MLLT1: variants seen among roughly 807,000 people sequenced by gnomAD.
MLLT1 encodes the protein MLLT1 super elongation complex subunit, also known as protein ENL.
Under a neutral mutation model 55.1 loss-of-function variants are expected in MLLT1, and 11 were observed. The observed-to-expected ratio is 0.20, with a 90% CI of 0.13 to 0.33. MLLT1 has a LOEUF of 0.33. Ranked by LOEUF, MLLT1 falls within the 10% of genes least tolerant of loss-of-function variation. The pLI, the probability that MLLT1 is intolerant of heterozygous loss-of-function variation, is 1.00. For missense variants in MLLT1, 536 were observed against 760.6 expected, an observed-to-expected ratio of 0.70 and a Z score of 3.47; for synonymous variants, 323 against 320.1, an observed-to-expected ratio of 1.01 and a Z score of -0.10.
At chr19:6,247,464 A>G (rs1460105856) in intron 3 of MLLT1, among the ~76,000 whole-genome samples, 1 of 152,246 alleles carries the variant, frequency 6.6e-6, no homozygotes, top group Non-Finnish European at 1.5e-5. Context: ...ACAAACAGGT[A>G]ACAACAGACT....
At chr19:6,242,280 C>A (rs571513845) in intron 3 of MLLT1, among the ~76,000 whole-genome samples, 1 of 152,286 alleles carries the variant, frequency 6.6e-6, no homozygotes, top group East Asian at 1.9e-4. Context: ...TGGAACCTCC[C>A]CTGTCATGTG....
intron 8 of MLLT1, among the ~76,000 whole-genome samples, chr19:6,215,931 G>C (rs2090838634): frequency 1.3e-5 from 2 of 151,872 alleles, no homozygotes. Flanking sequence ...CTGGGGAAAA[G>C]GCCACAGGCA....
chr19:6,278,890 T>C (rs909258404), intron 1 of MLLT1, among the ~76,000 whole-genome samples: 1 of 150,974 alleles, frequency 6.6e-6, no homozygotes, highest in Non-Finnish European at 1.5e-5. Flanking sequence ...GGCGGCAGGG[T>C]GGGTCAAAGA....
intron 2 of MLLT1, among the ~76,000 whole-genome samples, chr19:6,265,661 ACT>A (rs987507837): frequency 1.4e-5 from 2 of 145,210 alleles, no homozygotes; most frequent in African/African-American, 5.2e-5. Context: ...CAAGAGTGAA[ACT>A]CTGTTTCAAC....
chr19:6,242,637 G>A (rs1444821024), intron 3 of MLLT1, among the ~76,000 whole-genome samples: 2 of 152,178 alleles, frequency 1.3e-5, no homozygotes, highest in African/African-American at 4.8e-5. Flanking sequence ...CTCTCAGGAC[G>A]GGTTCCTTCA....
Position 6,217,985 on chromosome 19 carries a change from TGAGTCTGAGCTG to T in MLLT1, c.1155_1166del (p.Ser386_Ser389del), listed in dbSNP as rs759927266. The T allele has an allele frequency of 1.1e-5, 17 of 1,606,456 alleles. No individual in the cohort carries two copies. Among genetic ancestry groups the T allele is most frequent in the South Asian group, 2.2e-5 (2 of 90,530 alleles). Reference sequence around the variant, plus strand: ...TGTGGTTCTGGGATGGCTCGAAGTCTGAGTCTGAGCTGGAGTCTGAGCTGGAGCTGGAGTTGG... The same window carrying T: ...TGTGGTTCTGGGATGGCTCGAAGTCTGAGTCTGAGCTGGAGCTGGAGTTGG... On this transcript the variant is annotated inframe_deletion, in exon 7 of 12. Coordinates refer to ENST00000252674, the MANE Select transcript of MLLT1 (RefSeq NM_005934.4).
intron 3 of MLLT1, among the ~76,000 whole-genome samples, chr19:6,245,078 C>T (rs1453797573): frequency 2.0e-5 from 3 of 152,034 alleles, no homozygotes; most frequent in South Asian, 2.1e-4. Context: ...TGTTGGCTCA[C>T]GCCTATAATC....
At chr19:6,276,668 C>T (rs911236872) in intron 1 of MLLT1, among the ~76,000 whole-genome samples, 7 of 152,108 alleles carry the variant, frequency 4.6e-5, no homozygotes, top group Non-Finnish European at 8.8e-5. Context: ...CCCCTCCCCC[C>T]GGCCCCAGCC....
intron 3 of MLLT1, among the ~76,000 whole-genome samples, chr19:6,234,993 CAT>C (rs955596765): frequency 5.3e-5 from 8 of 152,132 alleles, no homozygotes; most frequent in Admixed American, 4.6e-4. Flanking sequence ...AACATGGTAA[CAT>C]AAGAGATGAC....
intron 3 of MLLT1, among the ~76,000 whole-genome samples, chr19:6,251,896 A>G (rs1416763725): frequency 6.6e-6 from 1 of 152,172 alleles, no homozygotes; most frequent in Non-Finnish European, 1.5e-5. Flanking sequence ...TCAAGGCTGC[A>G]GTGAGCTGAG....
intron 6 of MLLT1, among the ~76,000 whole-genome samples, chr19:6,218,597 A>G (rs1205658808): frequency 1.3e-5 from 2 of 152,134 alleles, no homozygotes; most frequent in Non-Finnish European, 2.9e-5. Context: ...AGGGGACAGA[A>G]GCCATGGGCA....
chr19:6,259,901 A>G (rs1425012267), intron 3 of MLLT1: 1 of 152,074 alleles, frequency 6.6e-6, no homozygotes, highest in East Asian at 1.9e-4. Context: ...CTAAAATGGG[A>G]GAATTTTACT....
At chr19:6,278,396 C>G (rs1242853423) in intron 1 of MLLT1, among the ~76,000 whole-genome samples, 3 of 151,546 alleles carry the variant, frequency 2.0e-5, no homozygotes, top group Non-Finnish European at 4.4e-5. Context: ...CCAACACAGA[C>G]CAATGGGGAG....
chr19:6,215,475 C>A (rs763462588), intron 8 of MLLT1, among the ~76,000 whole-genome samples: 2 of 152,190 alleles, frequency 1.3e-5, no homozygotes, highest in African/African-American at 4.8e-5. Flanking sequence ...GCGGCTCCCC[C>A]GCAGTGAGCC....
In MLLT1 at chr19:6,222,308, G is replaced by A; in HGVS notation, c.923C>T (p.Ser308Phe). The A allele has an allele frequency of 1.9e-6, 3 of 1,562,004 alleles. No homozygotes were observed. The highest frequency in any genetic ancestry group is 2.6e-6 in the Non-Finnish European group (3 of 1,150,392). ...GGGCGAGGTGCCTGGAGCACTCCGGGACCCCTTCGAGCTGCTCTTCTTCTG... is the reference window on the plus strand; with the variant it reads ...GGGCGAGGTGCCTGGAGCACTCCGGAACCCCTTCGAGCTGCTCTTCTTCTG... ...KKQKKSSSKG[S>F]RSAPGTSPRT... is the part of the protein sequence containing the mutation. The change falls in exon 6 of 12, where the codon TCC (serine) becomes TTC (phenylalanine). Residue 308 changes from serine (S) to phenylalanine (F), a missense_variant. By Grantham distance (155) the Ser-to-Phe change is radical. Transcript: ENST00000252674. The surrounding 1 kb of genome is among the most constrained non-coding windows in gnomAD (Gnocchi z 4.1).
intron 1 of MLLT1, among the ~76,000 whole-genome samples, chr19:6,271,005 AC>A (rs1406991922): frequency 8.7e-5 from 13 of 150,250 alleles, no homozygotes; most frequent in African/African-American, 2.9e-4. Flanking sequence ...CCTCAATTCC[AC>A]CCGCACAGCC....
At chr19:6,275,206 T>A (rs542339250) in intron 1 of MLLT1, among the ~76,000 whole-genome samples, 6 of 152,212 alleles carry the variant, frequency 3.9e-5, no homozygotes, top group Non-Finnish European at 8.8e-5. Flanking sequence ...CTCTGGGAAC[T>A]TGGACTTCGC....
intron 4 of MLLT1, among the ~76,000 whole-genome samples, chr19:6,228,060 A>G (rs773227037): frequency 5.9e-5 from 9 of 152,204 alleles, no homozygotes; most frequent in Non-Finnish European, 1.3e-4. Context: ...GGCTGAAAAG[A>G]GGCCATGGGC....
At chr19:6,234,458 G>C (rs2091041403) in intron 3 of MLLT1, among the ~76,000 whole-genome samples, 1 of 152,248 alleles carries the variant, frequency 6.6e-6, no homozygotes, top group South Asian at 2.1e-4. Context: ...CGAGGTGGGG[G>C]AGGAGAGCTC....
Sources: gnomAD v4.1 joint callset for allele counts (sites outside exome capture counted in the v4.1 genomes callset) on GRCh38, gnomAD v4.1.1 for gene constraint, Gnocchi (gnomAD v3.1) non-coding constraint, MANE v1.5 for transcripts, NCBI Gene and HGNC (gene_info 2026-07-23, HGNC 2026-07-21) for gene names.